The following NDUFAF6 variants were observed in gnomAD, a reference collection of about 807,000 sequenced individuals.
The protein encoded by NDUFAF6 is NADH:ubiquinone oxidoreductase complex assembly factor 6, also known as NADH dehydrogenase (ubiquinone) complex I, assembly factor 6.
NDUFAF6 carries 45 observed loss-of-function variants against 40.8 expected under a neutral mutation model. That is an observed-to-expected ratio of 1.10 (90% confidence interval 0.87 to 1.42). The LOEUF is 1.42. NDUFAF6 is among the 40% of genes most tolerant of loss of function. The pLI, the probability that NDUFAF6 is intolerant of heterozygous loss-of-function variation, is 0.00. For missense variants in NDUFAF6, 435 were observed against 418.5 expected (o/e 1.04, Z -0.34); for synonymous variants, 185 against 155.9 (o/e 1.19, Z -1.39).
intron 2 of NDUFAF6, among the ~76,000 whole-genome samples, chr8:94,994,753 A>G (rs1201212761): frequency 6.6e-6 from 1 of 152,128 alleles, no homozygotes; most frequent in Non-Finnish European, 1.5e-5. Context: ...GGATCACTTG[A>G]GCTCAGGAAA....
rs557267997 is a variant in NDUFAF6, at chr8:94,903,119, C to T, written c.-936+7192C>T. On this transcript the variant is annotated intron_variant, in intron 1 of 14. Coordinates refer to the NDUFAF6 transcript ENST00000396113. ...GTGCAGTGGCTCACACTTATAATCC[C>T]AGCACTTTGGGAGGTGGAAACAGGA... Among the ~76,000 whole-genome samples, 3 of 152,124 alleles carry T rather than the reference C, an allele frequency of 2.0e-5. No individual in the cohort carries two copies. In the East Asian group the frequency reaches 5.8e-4, roughly 29 times the overall value.
chr8:94,911,158 G>A (rs911095765), intron 1 of NDUFAF6, among the ~76,000 whole-genome samples: 7 of 152,154 alleles, frequency 4.6e-5, no homozygotes, highest in Non-Finnish European at 7.3e-5. Context: ...ATATTAACAC[G>A]TCTGTATTTG....
At chr8:95,031,910 T>C in intron 1 of NDUFAF6, 85 bp from the exon 2 acceptor site, 1 of 1,374,482 alleles carries the variant, frequency 7.3e-7, no homozygotes, top group Non-Finnish European at 1.0e-6. Context: ...TTGAAGCCTT[T>C]TTGTTTTCAG....
At chr8:95,064,737 C>T (rs1832661302) in intron 9 of NDUFAF6, among the ~76,000 whole-genome samples, 1 of 151,994 alleles carries the variant, frequency 6.6e-6, no homozygotes, top group African/African-American at 2.4e-5. Context: ...AGACTCTAAT[C>T]TTCCCTCACC....
chr8:95,094,753 T>TC (rs1809395823), intron 2 of NDUFAF6, among the ~76,000 whole-genome samples: 2 of 142,084 alleles, frequency 1.4e-5, no homozygotes, highest in African/African-American at 5.3e-5. Flanking sequence ...TTCTTCTTCT[T>TC]TTTTTTTTTT....
chr8:95,111,643 A>AC (rs1810001466), intron 4 of NDUFAF6, among the ~76,000 whole-genome samples: 1 of 151,990 alleles, frequency 6.6e-6, no homozygotes, highest in South Asian at 2.1e-4. Flanking sequence ...GCACACACAC[A>AC]CCTGCCTGCT....
At chr8:94,925,626 G>A (rs564333988) in intron 1 of NDUFAF6, among the ~76,000 whole-genome samples, 17 of 138,932 alleles carry the variant, frequency 1.2e-4, no homozygotes, top group East Asian at 1.1e-3. Context: ...TGCAACCTCC[G>A]CCTCCCAGGT....
chr8:95,061,039 G>A (rs1025391675), downstream of NDUFAF6, among the ~76,000 whole-genome samples: 1 of 152,148 alleles, frequency 6.6e-6, no homozygotes, highest in Non-Finnish European at 1.5e-5. Flanking sequence ...AGGACCCAGG[G>A]CTTGGGGAGG....
rs563398106 is a variant in NDUFAF6 at position 94,917,079 on chromosome 8, C to G, written c.-936+21152C>G. 5.5e-5 allele frequency among the ~76,000 whole-genome samples: 8 copies of G among 144,684 alleles called. 1 individual carries two copies. The East Asian group carries it at 8.0e-4, about 15-fold the overall frequency. The allele number at this position is 144,684 out of a possible 152,430, so 94.9% of individuals were successfully genotyped here. ...TGATCCGAGACCACACCTCTGCACT[C>G]CAGCCTGGGTGACAGAGCGAGACTC... is the stretch of plus-strand genomic sequence containing the variant. On this transcript the variant is annotated intron_variant, in intron 1 of 14. Coordinates refer to the NDUFAF6 transcript ENST00000396113.
At chr8:94,972,227 A>G (rs1824528105) in intron 1 of NDUFAF6, among the ~76,000 whole-genome samples, 1 of 152,144 alleles carries the variant, frequency 6.6e-6, no homozygotes, top group Admixed American at 6.6e-5. Flanking sequence ...GAGAGCAAAG[A>G]ATAGATACAA....
intron 1 of NDUFAF6, among the ~76,000 whole-genome samples, chr8:94,935,041 T>C (rs1387754214): frequency 6.6e-6 from 1 of 152,066 alleles, no homozygotes; most frequent in African/African-American, 2.4e-5. Context: ...GTAAAGTTAA[T>C]AAATTAATGT....
chr8:95,108,361 T>C (rs1288585655), downstream of NDUFAF6, among the ~76,000 whole-genome samples: 1 of 152,206 alleles, frequency 6.6e-6, no homozygotes, highest in African/African-American at 2.4e-5. Flanking sequence ...TACTATGGGA[T>C]ATTTCCTAGC....
intron 1 of NDUFAF6, among the ~76,000 whole-genome samples, chr8:94,925,557 T>G (rs1285884620): frequency 6.6e-6 from 1 of 151,320 alleles, no homozygotes; most frequent in African/African-American, 2.4e-5. Flanking sequence ...TCCTTTTTTT[T>G]TTTTTTTTTT....
intron 1 of NDUFAF6, among the ~76,000 whole-genome samples, chr8:94,916,495 A>C (rs1314694489): frequency 6.6e-6 from 1 of 152,228 alleles, no homozygotes; most frequent in African/African-American, 2.4e-5. Context: ...TATAAAGCCA[A>C]ATTTTAGCTT....
At position 95,045,614 on chromosome 8, in the gene NDUFAF6, A is replaced by T; in HGVS notation, c.547A>T (p.Ser183Cys). 6.2e-7 allele frequency: 1 copy of T among 1,613,378 alleles called. No homozygotes were observed. Among genetic ancestry groups the T allele is most frequent in the South Asian group, 1.1e-5 (1 of 91,070 alleles). The change falls in exon 5 of 9, where the codon AGC becomes TGC. Residue 183 changes from serine to cysteine, a missense_variant. Coordinates refer to ENST00000396124, the MANE Select transcript of NDUFAF6 (RefSeq NM_152416.4). ...GGAAAATTATGCTGAAAACACACAGAGCTCTCTTCTTTACTTAACACTAGA... is the reference window on the plus strand; with the variant it reads ...GGAAAATTATGCTGAAAACACACAGTGCTCTCTTCTTTACTTAACACTAGA... ...ELENYAENTQ[S>C]SLLYLTLEIL...
chr8:95,088,459 C>T (rs374647167), intron 2 of NDUFAF6, among the ~76,000 whole-genome samples: 40 of 152,292 alleles, frequency 2.6e-4, no homozygotes, highest in Middle Eastern at 6.8e-3. Context: ...CTCTTCTACC[C>T]TGCCTTTCCT....
chr8:94,920,157 A>G (rs1819403239), intron 1 of NDUFAF6, among the ~76,000 whole-genome samples: 1 of 152,238 alleles, frequency 6.6e-6, no homozygotes. Context: ...GTGTGTGTGT[A>G]TATCTATACA....
At chr8:95,041,330 A>G (rs147349075) in intron 3 of NDUFAF6, among the ~76,000 whole-genome samples, 5 of 152,370 alleles carry the variant, frequency 3.3e-5, no homozygotes, top group East Asian at 3.9e-4. Context: ...TATTAGCAGT[A>G]TAGGAAAAAA....
downstream of NDUFAF6, among the ~76,000 whole-genome samples, chr8:95,117,854 T>C (rs1810167077): frequency 1.3e-5 from 2 of 152,222 alleles, no homozygotes; most frequent in South Asian, 4.1e-4. Context: ...AGTCACTGCA[T>C]GGATATCAGC....
Sources: allele counts gnomAD v4.1 joint callset (sites outside exome capture counted in the v4.1 genomes callset), GRCh38; gene constraint gnomAD v4.1.1; transcripts MANE v1.5; gene names NCBI Gene and HGNC (gene_info 2026-07-23, HGNC 2026-07-21).